DGKZ: variants seen among roughly 807,000 people sequenced by gnomAD.
DGKZ encodes DAG kinase zeta.
In DGKZ, 45 loss-of-function variants were observed where a neutral mutation model predicts 142.5. The observed-to-expected ratio is 0.32, with a 90% CI of 0.25 to 0.40. The LOEUF (loss-of-function observed/expected upper bound fraction) is 0.40. Ranked by LOEUF, DGKZ falls within the 10% of genes least tolerant of loss-of-function variation. The pLI, the probability that DGKZ is intolerant of heterozygous loss-of-function variation, is 1.00. For synonymous variants in DGKZ, 442 were observed against 527.0 expected (o/e 0.84, Z 2.21); for missense variants, 755 against 1,306.5 (o/e 0.58, Z 6.51).
chr11:46,374,765 G>C lies in DGKZ; in HGVS notation c.1525-1G>C. On this transcript the variant is annotated splice_acceptor_variant, in intron 17 of 30. Transcript: ENST00000527911. LOFTEE classifies it high-confidence loss of function. The stretch of plus-strand genomic sequence containing the variant: ...TCAACACCCTCCCCGCCCGCCTCCA[G>C]TGTGATGGAATGGACTTGACTCCCA... The C allele has an allele frequency of 6.2e-7, 1 of 1,613,066 alleles. No homozygotes were observed. Among genetic ancestry groups the C allele is most frequent in the Non-Finnish European group, 8.5e-7 (1 of 1,179,342 alleles).
exon 6 of DGKZ, chr11:46,369,961 C>T: frequency 6.2e-7 from 1 of 1,613,922 alleles, no homozygotes; most frequent in African/African-American, 1.3e-5. Flanking sequence ...TACGGCACCA[C>T]TGGGTACACA....
intron 1 of DGKZ, among the ~76,000 whole-genome samples, chr11:46,348,591 C>T (rs756169038): frequency 6.6e-5 from 10 of 152,210 alleles, no homozygotes; most frequent in African/African-American, 1.2e-4. Flanking sequence ...GCCCCCTCCC[C>T]CAGCACTCCA....
At chr11:46,374,892 G>A (rs1944365709) in intron 18 of DGKZ, 42 bp from the exon 19 acceptor site, 1 of 1,573,306 alleles carries the variant, frequency 6.4e-7, no homozygotes. Flanking sequence ...TTGTCCTGCA[G>A]AGACTGTGTT....
At chr11:46,376,214 C>T (rs1187886661) in intron 22 of DGKZ, 69 bp downstream of exon 22, 10 of 1,606,472 alleles carry the variant, frequency 6.2e-6, no homozygotes, top group South Asian at 1.1e-5. Flanking sequence ...GCCTCTTCCT[C>T]CCGCAGCCAG....
In DGKZ at chr11:46,367,461, C is replaced by A. The variant is rs1291061701; in HGVS notation, c.270+62C>A. On this transcript the variant is annotated intron_variant, in intron 2 of 30. Transcript: ENST00000527911. The surrounding 1 kb of genome is among the most constrained non-coding windows in gnomAD (Gnocchi z 4.1). ...GGGCTCTTGGCCAAGGCGCAGCTGG[C>A]GGGTGGAGGCACTAAAGGCAGCTGG... 6.5e-7 allele frequency: 1 copy of A among 1,548,354 alleles called. No homozygotes were observed. The highest frequency in any genetic ancestry group is 8.8e-7 in the Non-Finnish European group (1 of 1,132,564).
Position 46,372,331 on chromosome 11 carries a change from A to G in DGKZ, c.928-97A>G. On this transcript the variant is annotated intron_variant, in intron 10 of 30. Transcript: ENST00000527911. This position sits in a 1 kb window ranked among gnomAD's most constrained non-coding sequence, Gnocchi z 5.9. ...GTCCTTTCTCCACCCCTCACCCCTT[A>G]TTGGCCCTGGTTCCCACAGTCACAC... 1 of 1,422,730 alleles carries G rather than the reference A, an allele frequency of 7.0e-7. No individual in the cohort carries two copies. Among genetic ancestry groups the G allele is most frequent in the Non-Finnish European group, 9.8e-7 (1 of 1,017,554 alleles). 88.1% of individuals were successfully genotyped at this position (1,422,730 alleles called of 1,614,324 possible).
intron 1 of DGKZ, among the ~76,000 whole-genome samples, chr11:46,337,805 G>A (rs1473433384): frequency 6.6e-6 from 1 of 152,124 alleles, no homozygotes; most frequent in Non-Finnish European, 1.5e-5. Context: ...ATGGAGGGAG[G>A]GGGTGTCCAA....
In DGKZ at chr11:46,369,666, G is replaced by A. The variant is rs1310951624; in HGVS notation, c.501+116G>A. ...GGCTCCCTCTAGGCTGCTGCTCACTGAGGTCTGTCTGAGGTCTGCCATGCG... is the reference window on the plus strand; with the variant it reads ...GGCTCCCTCTAGGCTGCTGCTCACTAAGGTCTGTCTGAGGTCTGCCATGCG... On this transcript the variant is annotated intron_variant, in intron 5 of 30. Coordinates refer to ENST00000527911, the Ensembl canonical transcript of DGKZ. 4 of 1,388,140 alleles carry A rather than the reference G, an allele frequency of 2.9e-6. No homozygotes were observed. In the Admixed American group the frequency reaches 7.0e-5, roughly 24 times the overall value. 86.0% of individuals were successfully genotyped at this position (1,388,140 alleles called of 1,614,324 possible). A position where few individuals can be genotyped will look rare whatever the true frequency, so the allele number is the denominator to read the frequency against.
At chr11:46,369,749 T>C in intron 5 of DGKZ, 192 bp from the exon 6 acceptor site, 1 of 890,052 alleles carries the variant, frequency 1.1e-6, no homozygotes, top group Non-Finnish European at 1.8e-6. Flanking sequence ...TCCTGGTGCT[T>C]CCCAGCCTTC....
chr11:46,333,227 G>C, exon 1 of DGKZ: 1 of 1,239,458 alleles, frequency 8.1e-7, no homozygotes, highest in South Asian at 3.3e-5. Context: ...TCGAACTTGA[G>C]CGGGTGCCCG....
At chr11:46,333,580 T>C in intron 1 of DGKZ, 2 of 1,204,904 alleles carry the variant, frequency 1.7e-6, no homozygotes, top group Non-Finnish European at 2.3e-6. Flanking sequence ...GCCCGCCGCC[T>C]GCCTGGCGCT....
exon 31 of DGKZ, chr11:46,380,252 T>TC (rs1386574448): frequency 4.0e-6 from 1 of 251,136 alleles, no homozygotes; most frequent in Non-Finnish European, 7.7e-6. Flanking sequence ...GCAGATGCCC[T>TC]CCCAGGAGTG....
At chr11:46,380,409 G>T (rs956123222), downstream of DGKZ, 2 of 154,628 alleles carry the variant, frequency 1.3e-5, no homozygotes, top group Non-Finnish European at 2.9e-5. Context: ...TGCCTGCCCT[G>T]CCTTGCTTGG....
At chr11:46,378,419 C>A (rs752140220) in intron 26 of DGKZ, 38 bp from the exon 27 acceptor site, 1 of 1,568,288 alleles carries the variant, frequency 6.4e-7, no homozygotes. Context: ...CAAGCCCAGG[C>A]CTCCGACTGC....
intron 1 of DGKZ, among the ~76,000 whole-genome samples, chr11:46,360,476 C>T (rs1415186625): frequency 6.7e-6 from 1 of 148,838 alleles, no homozygotes; most frequent in African/African-American, 2.5e-5. Flanking sequence ...AGCTCCTCGC[C>T]CCTTTCCTCA....
At chr11:46,370,755 C>G (rs1317219099) in intron 6 of DGKZ, among the ~76,000 whole-genome samples, 1 of 152,150 alleles carries the variant, frequency 6.6e-6, no homozygotes, top group Non-Finnish European at 1.5e-5. Flanking sequence ...CCCTGCTCTT[C>G]AGGCTTATCT....
intron 1 of DGKZ, among the ~76,000 whole-genome samples, chr11:46,357,691 G>A (rs903908025): frequency 5.9e-5 from 9 of 152,206 alleles, no homozygotes; most frequent in Non-Finnish European, 1.3e-4. Context: ...AGGAGCTCGC[G>A]GTCTGGTGGA....
intron 1 of DGKZ, chr11:46,366,868 C>T: frequency 6.5e-7 from 1 of 1,547,806 alleles, no homozygotes. Flanking sequence ...GCCGAAGAGC[C>T]TCAGGCACCA....
chr11:46,373,350 A>C (rs1379116531), intron 14 of DGKZ, among the ~76,000 whole-genome samples: 1 of 139,710 alleles, frequency 7.2e-6, no homozygotes, highest in Non-Finnish European at 1.5e-5. Context: ...GCAGTGGCGC[A>C]ATCCCAGCTC....
Sources: allele counts gnomAD v4.1 joint callset (sites outside exome capture counted in the v4.1 genomes callset), GRCh38; gene constraint gnomAD v4.1.1; non-coding constraint Gnocchi (gnomAD v3.1); transcripts MANE v1.5; gene names NCBI Gene and HGNC (gene_info 2026-07-23, HGNC 2026-07-21).